Variants in COL5A2 observed in about 807,000 individuals in gnomAD.
The protein encoded by COL5A2 is collagen type V alpha 2 chain, also known as collagen alpha-2(V) chain.
A neutral mutation model predicts 208.2 loss-of-function variants in COL5A2; 23 were observed. The ratio of observed to expected loss-of-function variants is 0.11; its 90% CI spans 0.08 to 0.16. COL5A2 has a LOEUF of 0.16. Among genes scored for constraint, COL5A2 ranks in the 10% least tolerant of loss-of-function variants. The pLI is 1.00. For missense variants in COL5A2, 1,590 were observed against 1,956.4 expected (o/e 0.81, Z 3.53); for synonymous variants, 625 against 628.5 (o/e 0.99, Z 0.08).
intron 11 of COL5A2, 68 bp from the exon 12 acceptor site, chr2:189,084,105 A>C (rs1686598472): frequency 9.5e-7 from 1 of 1,055,350 alleles, no homozygotes; most frequent in Non-Finnish European, 1.5e-6. Flanking sequence ...CTGAAACTAA[A>C]TGATAAATAA....
At chr2:189,303,516 T>G in the COL5A2 span, among the ~76,000 whole-genome samples, 1 of 152,074 alleles carries the variant, frequency 6.6e-6, no homozygotes. Flanking sequence ...CCATACTAAA[T>G]CCTCTCCTGC....
chr2:189,341,137 T>C, the COL5A2 span, among the ~76,000 whole-genome samples: 32 of 152,290 alleles, frequency 2.1e-4, no homozygotes, highest in Admixed American at 1.0e-3. Flanking sequence ...TTTACAGACA[T>C]ATATAAGAAC....
At chr2:189,050,073 G>A (rs966046410) in intron 43 of COL5A2, among the ~76,000 whole-genome samples, 1 of 151,812 alleles carries the variant, frequency 6.6e-6, no homozygotes, top group African/African-American at 2.4e-5. Flanking sequence ...ATACTCCAGG[G>A]AATATAAAAT....
the COL5A2 span, among the ~76,000 whole-genome samples, chr2:189,331,533 T>TG: frequency 3.3e-5 from 5 of 152,114 alleles, no homozygotes; most frequent in Admixed American, 2.6e-4. Context: ...TGAGATCTGA[T>TG]GGTTTTAAAA....
the COL5A2 span, among the ~76,000 whole-genome samples, chr2:189,285,822 C>G: frequency 6.6e-6 from 1 of 152,052 alleles, no homozygotes; most frequent in Non-Finnish European, 1.5e-5. Context: ...GACATTTTTG[C>G]ATTTTTATCT....
intron 30 of COL5A2, 143 bp downstream of exon 30, chr2:189,061,419 C>T (rs1276285928): frequency 7.8e-6 from 5 of 641,038 alleles, no homozygotes; most frequent in South Asian, 2.0e-5. Flanking sequence ...CGATTTTATC[C>T]AAATGTCTAT....
At chr2:189,192,936 C>T (rs899390753) in intron 1 of COL5A2, among the ~76,000 whole-genome samples, 3 of 152,086 alleles carry the variant, frequency 2.0e-5, no homozygotes, top group South Asian at 2.1e-4. Flanking sequence ...AAGAGGATTC[C>T]TATCACAAGA....
the COL5A2 span, among the ~76,000 whole-genome samples, chr2:189,248,817 G>A: frequency 6.6e-6 from 1 of 151,884 alleles, no homozygotes; most frequent in Admixed American, 6.6e-5. Context: ...TCAAGTTTCT[G>A]GAACTATCTG....
rs111688859 is a variant in COL5A2, at chr2:189,061,493, CT to C, written c.2031+68del. On this transcript the variant is annotated intron_variant, in intron 30 of 53. Coordinates refer to ENST00000374866, the MANE Select transcript of COL5A2 (RefSeq NM_000393.5). ...AGAATTTCAAATCTTCTGACCATAT[CT>C]TTTTTTTTAAAAAAAAAAAGCATTT... The C allele has an allele frequency of 0.022, 25,123 of 1,132,202 alleles. 168 individuals are homozygous for C. Among genetic ancestry groups the C allele is most frequent in the African/African-American group, 0.037 (2,319 of 63,064 alleles). The allele number at this position is 1,132,202 out of a possible 1,614,324, so 70.1% of individuals were successfully genotyped here.
At chr2:189,158,400 T>C (rs1688296517) in intron 1 of COL5A2, among the ~76,000 whole-genome samples, 1 of 152,044 alleles carries the variant, frequency 6.6e-6, no homozygotes, top group South Asian at 2.1e-4. Context: ...ATAGCCATCA[T>C]TTTATTAGTA....
At chr2:189,357,653 C>A in the COL5A2 span, among the ~76,000 whole-genome samples, 2 of 150,802 alleles carry the variant, frequency 1.3e-5, no homozygotes, top group Admixed American at 1.3e-4. Context: ...TTGCTGGGCT[C>A]ATGGGGGTGG....
chr2:189,106,831 A>T (rs1337825258), intron 2 of COL5A2, among the ~76,000 whole-genome samples: 1 of 151,388 alleles, frequency 6.6e-6, no homozygotes, highest in Admixed American at 6.6e-5. Flanking sequence ...TTTAATTATG[A>T]AAGAATTCAT....
the COL5A2 span, among the ~76,000 whole-genome samples, chr2:189,359,923 T>C: frequency 6.6e-6 from 1 of 152,154 alleles, no homozygotes; most frequent in Non-Finnish European, 1.5e-5. Context: ...GTCTTCTTTT[T>C]GATCTCAGAT....
chr2:189,432,537 T>A, the COL5A2 span, among the ~76,000 whole-genome samples: 1 of 152,082 alleles, frequency 6.6e-6, no homozygotes, highest in Non-Finnish European at 1.5e-5. Context: ...AATCCTAGTC[T>A]CTGATAAAAC....
chr2:189,152,168 TTC>T (rs1206149259), intron 1 of COL5A2, among the ~76,000 whole-genome samples: 1 of 152,202 alleles, frequency 6.6e-6, no homozygotes. Flanking sequence ...AGAGCAAGTA[TTC>T]TCATCCTTTA....
At chr2:189,395,332 A>C in the COL5A2 span, among the ~76,000 whole-genome samples, 1 of 152,362 alleles carries the variant, frequency 6.6e-6, no homozygotes. Context: ...GAAACTGGAA[A>C]AAATGTTCAT....
the COL5A2 span, among the ~76,000 whole-genome samples, chr2:189,383,023 G>A: frequency 1.3e-5 from 2 of 152,082 alleles, no homozygotes; most frequent in African/African-American, 2.4e-5. Context: ...ACCATGGTGA[G>A]GCCAGCTCAG....
At chr2:189,299,189 T>C in the COL5A2 span, among the ~76,000 whole-genome samples, 1 of 152,242 alleles carries the variant, frequency 6.6e-6, no homozygotes, top group Admixed American at 6.5e-5. Context: ...GAAGTATATT[T>C]ACTATTTTGC....
At chr2:189,394,477 C>A in the COL5A2 span, among the ~76,000 whole-genome samples, 3 of 152,152 alleles carry the variant, frequency 2.0e-5, no homozygotes, top group Admixed American at 2.0e-4. Context: ...AGAGGAGACA[C>A]GAGTGAGCCC....
Sources: gnomAD v4.1 joint callset for allele counts (sites outside exome capture counted in the v4.1 genomes callset) on GRCh38, gnomAD v4.1.1 for gene constraint, MANE v1.5 for transcripts, NCBI Gene and HGNC (gene_info 2026-07-23, HGNC 2026-07-21) for gene names.